The following FMN2 variants were observed in gnomAD, a reference collection of about 807,000 sequenced individuals.
FMN2 encodes formin 2, also known as formin-2.
A neutral mutation model predicts 142.3 loss-of-function variants in FMN2; 51 were observed. The observed-to-expected ratio is 0.36, with a 90% CI of 0.29 to 0.45. The LOEUF is 0.45. FMN2 is among the 20% of genes least tolerant of loss of function. The pLI is 1.00. For synonymous variants in FMN2, 882 were observed against 869.8 expected (o/e 1.01, Z -0.25); for missense variants, 1,936 against 2,122.8 (o/e 0.91, Z 1.73).
chr1:240,354,778 A>G (rs995339241), intron 13 of FMN2, among the ~76,000 whole-genome samples: 1 of 152,206 alleles, frequency 6.6e-6, no homozygotes, highest in African/African-American at 2.4e-5. Context: ...TAGAAATGCA[A>G]TGACAAAGTC....
At chr1:240,456,135 TGG>T (rs1310492189) in intron 16 of FMN2, among the ~76,000 whole-genome samples, 2 of 152,116 alleles carry the variant, frequency 1.3e-5, no homozygotes, top group African/African-American at 4.8e-5. Context: ...CTACACACTT[TGG>T]GGATAATTAT....
rs1204901538 is a variant in FMN2, at chr1:240,164,446, T to C, written c.1783-13475T>C. ...TTCATTTAATCTTTTTTCTTTGTTC[T>C]TTCTTTCTGCATCTTCAGGAATCTG... On this transcript the variant is annotated intron_variant, in intron 2 of 17. Transcript: ENST00000319653. Among the ~76,000 whole-genome samples, 4 of 152,236 alleles carry C rather than the reference T, an allele frequency of 2.6e-5. No individual in the cohort carries two copies. In the South Asian group the frequency reaches 8.3e-4, roughly 32 times the overall value.
At chr1:240,255,843 G>A (rs1432823319) in intron 6 of FMN2, among the ~76,000 whole-genome samples, 1 of 152,142 alleles carries the variant, frequency 6.6e-6, no homozygotes, top group Non-Finnish European at 1.5e-5. Context: ...AGACATGTAT[G>A]TCTCTACAGG....
In FMN2 at chr1:240,175,490, T is replaced by C. The variant is rs549065334; in HGVS notation, c.1783-2431T>C. On this transcript the variant is annotated intron_variant, in intron 2 of 17. Transcript: ENST00000319653. ...TTTCTCCAATCCTTGCCAGCACTTA[T>C]GTTCTATCTTGTTGTTGTTGTTTTG... is the stretch of plus-strand genomic sequence containing the variant. Among the ~76,000 whole-genome samples, 6 of 152,310 alleles carry C rather than the reference T, an allele frequency of 3.9e-5. No homozygotes were observed. The South Asian group carries it at 6.2e-4, about 16-fold the overall frequency.
chr1:240,210,284 G>A (rs1666640770), intron 5 of FMN2, among the ~76,000 whole-genome samples: 1 of 152,110 alleles, frequency 6.6e-6, no homozygotes, highest in African/African-American at 2.4e-5. Context: ...GGGCTTCCTT[G>A]TTCTAATGTT....
chr1:240,221,815 C>T (rs1372430894), intron 6 of FMN2, among the ~76,000 whole-genome samples: 4 of 145,812 alleles, frequency 2.7e-5, no homozygotes, highest in Non-Finnish European at 6.0e-5. Context: ...ATGCCTATGT[C>T]CTGAATGGTA....
chr1:240,115,496 T>C (rs1401074697), intron 1 of FMN2, among the ~76,000 whole-genome samples: 1 of 152,188 alleles, frequency 6.6e-6, no homozygotes, highest in Non-Finnish European at 1.5e-5. Context: ...CTGACACACA[T>C]TGCCAAATTG....
At chr1:240,189,449 A>G (rs1438397286) in intron 4 of FMN2, among the ~76,000 whole-genome samples, 1 of 152,232 alleles carries the variant, frequency 6.6e-6, no homozygotes, top group African/African-American at 2.4e-5. Flanking sequence ...CCTGGGACAT[A>G]GGGTTCTTCT....
At chr1:240,177,215 T>C (rs761214351) in intron 2 of FMN2, among the ~76,000 whole-genome samples, 69 of 152,212 alleles carry the variant, frequency 4.5e-4, no homozygotes, top group Non-Finnish European at 1.2e-4. Flanking sequence ...CCAAGGTGTT[T>C]ATAGGCCATG....
chr1:240,125,593 T>C (rs1044608709), intron 2 of FMN2, among the ~76,000 whole-genome samples: 2 of 152,218 alleles, frequency 1.3e-5, no homozygotes, highest in Non-Finnish European at 2.9e-5. Flanking sequence ...TAGCACTTGC[T>C]TTTTGATTCA....
chr1:240,176,528 A>G (rs1664920346), intron 2 of FMN2, among the ~76,000 whole-genome samples: 1 of 152,206 alleles, frequency 6.6e-6, no homozygotes, highest in African/African-American at 2.4e-5. Flanking sequence ...TCACACCTTG[A>G]CATCATCCCT....
chr1:240,133,616 T>C (rs116414863), intron 2 of FMN2, among the ~76,000 whole-genome samples: 16 of 152,350 alleles, frequency 1.1e-4, no homozygotes, highest in Admixed American at 5.9e-4. Flanking sequence ...TGAAGTGTTA[T>C]TGATTTTCCT....
At chr1:240,237,061 T>G (rs1667735411) in intron 6 of FMN2, among the ~76,000 whole-genome samples, 1 of 152,200 alleles carries the variant, frequency 6.6e-6, no homozygotes, top group Non-Finnish European at 1.5e-5. Context: ...GAGTTTTTGT[T>G]GTTGTTTTTC....
chr1:240,126,228 G>C (rs992673306), intron 2 of FMN2, among the ~76,000 whole-genome samples: 28 of 152,162 alleles, frequency 1.8e-4, no homozygotes, highest in African/African-American at 6.5e-4. Context: ...AGAAATTTTC[G>C]ATAATTAGTA....
At chr1:240,388,831 T>C (rs1366774660) in intron 14 of FMN2, among the ~76,000 whole-genome samples, 8 of 137,032 alleles carry the variant, frequency 5.8e-5, no homozygotes, top group Non-Finnish European at 9.1e-5. Context: ...CATTGGACTC[T>C]ATCCTGGGCA....
chr1:240,292,022 T>C (rs373936713), intron 7 of FMN2, among the ~76,000 whole-genome samples: 1 of 152,166 alleles, frequency 6.6e-6, no homozygotes, highest in African/African-American at 2.4e-5. Context: ...CTGAAACTTA[T>C]AAAAAGTAAC....
rs1558106770 is a variant in FMN2 at position 240,437,930 on chromosome 1, C to CTT, written c.4911-130_4911-129dup. 3 of 1,130,394 alleles carry CTT rather than the reference C, an allele frequency of 2.7e-6. No homozygotes were observed. In the African/African-American group the frequency reaches 4.7e-5, roughly 18 times the overall value. The allele number at this position is 1,130,394 out of a possible 1,614,324, so 70.0% of individuals were successfully genotyped here. ...AACCATAAGAGAGCTACTGTTGGTG[C>CTT]TTGAAGAGCTTGAGTCCTCTTGGTA... On this transcript the variant is annotated intron_variant, in intron 15 of 17. Coordinates refer to ENST00000319653, the MANE Select transcript of FMN2 (RefSeq NM_020066.5).
At chr1:240,369,124 C>A (rs12022143) in intron 14 of FMN2, among the ~76,000 whole-genome samples, 16,783 of 152,130 alleles carry the variant, frequency 0.11, 1,169 homozygotes, top group East Asian at 0.37. Context: ...TGTACACTTT[C>A]ACCTCCATCT....
At chr1:240,297,112 T>G (rs1670013106) in intron 8 of FMN2, among the ~76,000 whole-genome samples, 1 of 152,168 alleles carries the variant, frequency 6.6e-6, no homozygotes, top group Non-Finnish European at 1.5e-5. Context: ...GATGTTGGTG[T>G]GTGTGTATCT....
Sources: gnomAD v4.1 joint callset for allele counts (sites outside exome capture counted in the v4.1 genomes callset) on GRCh38, gnomAD v4.1.1 for gene constraint, MANE v1.5 for transcripts, NCBI Gene and HGNC (gene_info 2026-07-23, HGNC 2026-07-21) for gene names.